RALYL: variants seen among roughly 807,000 people sequenced by gnomAD.
RALYL encodes RALY RNA binding protein like.
A neutral mutation model predicts 35.1 loss-of-function variants in RALYL; 29 were observed. That is an observed-to-expected ratio of 0.83 (90% CI 0.61 to 1.13). The LOEUF (loss-of-function observed/expected upper bound fraction) is 1.13. Ranked by LOEUF, RALYL falls within the 50% of genes most tolerant of loss-of-function variation. The pLI, the probability that RALYL is intolerant of heterozygous loss-of-function variation, is 0.00. For synonymous variants in RALYL, 120 were observed against 127.6 expected, an observed-to-expected ratio of 0.94 and a Z score of 0.40; for missense variants, 359 against 360.4, an observed-to-expected ratio of 1.00 and a Z score of 0.03.
chr8:84,463,937 C>T (rs1443520398), intron 1 of RALYL, among the ~76,000 whole-genome samples: 1 of 151,814 alleles, frequency 6.6e-6, no homozygotes, highest in Non-Finnish European at 1.5e-5. Context: ...GCTTTGTATC[C>T]CTATAGTTTC....
chr8:84,742,910 G>A (rs1412421843), intron 2 of RALYL, among the ~76,000 whole-genome samples: 1 of 151,954 alleles, frequency 6.6e-6, no homozygotes, highest in Non-Finnish European at 1.5e-5. Flanking sequence ...ATAGTTGAAA[G>A]CAGAAGTTAC....
chr8:84,613,766 T>C (rs1818834168), intron 2 of RALYL, among the ~76,000 whole-genome samples: 1 of 151,116 alleles, frequency 6.6e-6, no homozygotes, highest in Non-Finnish European at 1.5e-5. Flanking sequence ...TCATTATAGG[T>C]TTTTTAGTCT....
intron 2 of RALYL, among the ~76,000 whole-genome samples, chr8:84,680,607 G>A (rs1835246195): frequency 6.6e-6 from 1 of 152,138 alleles, no homozygotes; most frequent in South Asian, 2.1e-4. Flanking sequence ...CAGTGATGAT[G>A]GGCATTTTTT....
At chr8:84,905,377 G>A (rs1330508335) in intron 8 of RALYL, among the ~76,000 whole-genome samples, 2 of 152,140 alleles carry the variant, frequency 1.3e-5, no homozygotes, top group African/African-American at 4.8e-5. Context: ...GTGCTGTAAT[G>A]AGTGTAAGAG....
rs1478885842 is a variant in RALYL, at chr8:84,709,447, C to T, written c.257-65132C>T. 2.6e-5 allele frequency among the ~76,000 whole-genome samples: 4 copies of T among 151,778 alleles called. No individual in the cohort carries two copies. In the South Asian group the frequency reaches 8.3e-4, roughly 32 times the overall value. ...ACATACACGTGTATATATACATAAA[C>T]ATATACATACATATATGCTTTTAAA... On this transcript the variant is annotated intron_variant, in intron 2 of 8. Transcript: ENST00000521268.
At chr8:84,350,516 A>G (rs567996480) in intron 1 of RALYL, among the ~76,000 whole-genome samples, 1 of 150,384 alleles carries the variant, frequency 6.6e-6, no homozygotes, top group African/African-American at 2.5e-5. Flanking sequence ...TGTGGGTTCC[A>G]GAATGAAATA....
intron 2 of RALYL, among the ~76,000 whole-genome samples, chr8:84,558,633 A>G (rs1343537933): frequency 6.6e-6 from 1 of 152,036 alleles, no homozygotes; most frequent in Non-Finnish European, 1.5e-5. Flanking sequence ...CAGTTTTGCA[A>G]TTATGAGGGT....
At chr8:84,214,635 G>A (rs1820334195) in intron 1 of RALYL, among the ~76,000 whole-genome samples, 4 of 151,998 alleles carry the variant, frequency 2.6e-5, no homozygotes, top group African/African-American at 9.7e-5. Context: ...TAACTGGCAA[G>A]AGTTAGTTGA....
At chr8:84,216,777 A>G (rs926931710) in intron 1 of RALYL, among the ~76,000 whole-genome samples, 1 of 152,158 alleles carries the variant, frequency 6.6e-6, no homozygotes, top group East Asian at 1.9e-4. Context: ...TTTAAATTTT[A>G]TTTAATTTTA....
intron 1 of RALYL, among the ~76,000 whole-genome samples, chr8:84,520,998 C>T (rs548282557): frequency 2.2e-4 from 34 of 152,234 alleles, no homozygotes; most frequent in African/African-American, 5.1e-4. Context: ...AGCTTCAAAA[C>T]GAAAAGTGGG....
intron 1 of RALYL, among the ~76,000 whole-genome samples, chr8:84,311,049 G>A (rs1360658318): frequency 2.7e-4 from 5 of 18,686 alleles, no homozygotes; most frequent in African/African-American, 6.1e-4. Context: ...GCGAGACTCC[G>A]TCTCAAAAAA....
At chr8:84,276,974 G>A (rs757585080) in intron 1 of RALYL, among the ~76,000 whole-genome samples, 1 of 152,172 alleles carries the variant, frequency 6.6e-6, no homozygotes, top group Non-Finnish European at 1.5e-5. Context: ...CCTAAGAAAA[G>A]CAATGCTGAT....
intron 2 of RALYL, among the ~76,000 whole-genome samples, chr8:84,691,820 T>G (rs964944929): frequency 6.6e-6 from 1 of 152,052 alleles, no homozygotes; most frequent in East Asian, 1.9e-4. Context: ...AACTTTCTCA[T>G]GTGCATAGAT....
chr8:84,424,832 G>A (rs1014424849), intron 1 of RALYL, among the ~76,000 whole-genome samples: 5 of 152,018 alleles, frequency 3.3e-5, no homozygotes, highest in Non-Finnish European at 7.3e-5. Flanking sequence ...GTGTGCCCCT[G>A]CTGGGGGGTG....
intron 4 of RALYL, among the ~76,000 whole-genome samples, chr8:84,826,172 C>A (rs1829653223): frequency 6.6e-6 from 1 of 150,740 alleles, no homozygotes; most frequent in Admixed American, 6.7e-5. Flanking sequence ...GGAGGGAGGG[C>A]AGAAGTTTGA....
At chr8:84,809,630 A>C (rs1056246114) in intron 4 of RALYL, among the ~76,000 whole-genome samples, 2 of 151,900 alleles carry the variant, frequency 1.3e-5, no homozygotes, top group Admixed American at 1.3e-4. Context: ...TTTTGTTGGT[A>C]ATTTTTAAAT....
intron 4 of RALYL, among the ~76,000 whole-genome samples, chr8:84,849,143 G>T (rs1835279098): frequency 6.6e-6 from 1 of 152,142 alleles, no homozygotes; most frequent in South Asian, 2.1e-4. Context: ...GGATGGAGGT[G>T]ACTTTTTAAA....
intron 2 of RALYL, among the ~76,000 whole-genome samples, chr8:84,538,309 A>G (rs2059764903): frequency 6.6e-6 from 1 of 152,196 alleles, no homozygotes; most frequent in African/African-American, 2.4e-5. Flanking sequence ...GCAACATTTA[A>G]AGATTGTATT....
At chr8:84,601,029 T>C (rs1035089515) in intron 2 of RALYL, among the ~76,000 whole-genome samples, 1 of 152,154 alleles carries the variant, frequency 6.6e-6, no homozygotes, top group Admixed American at 6.6e-5. Context: ...CAAAGATATC[T>C]GAGATGTGGT....
Sources: allele counts gnomAD v4.1 joint callset (sites outside exome capture counted in the v4.1 genomes callset), GRCh38; gene constraint gnomAD v4.1.1; transcripts MANE v1.5; gene names NCBI Gene and HGNC (gene_info 2026-07-23, HGNC 2026-07-21).